Variants in PRKCE observed in about 807,000 individuals in gnomAD.
PRKCE encodes protein kinase C epsilon type.
PRKCE carries 16 observed loss-of-function variants against 85.4 expected under a neutral mutation model. The observed-to-expected ratio is 0.19, with a 90% CI of 0.13 to 0.28. PRKCE has a LOEUF of 0.28. Ranked by LOEUF, PRKCE falls within the 10% of genes least tolerant of loss-of-function variation. The pLI is 1.00. For missense variants in PRKCE, 573 were observed against 975.2 expected (o/e 0.59, Z 5.49); for synonymous variants, 388 against 371.5 (o/e 1.04, Z -0.51).
chr2:45,812,555 C>T (rs1688728223), intron 1 of PRKCE, among the ~76,000 whole-genome samples: 1 of 152,186 alleles, frequency 6.6e-6, no homozygotes, highest in Admixed American at 6.5e-5. Flanking sequence ...GTGACCTCCT[C>T]TGTGCAGTGG....
chr2:45,691,466 G>T (rs1677720719), intron 1 of PRKCE, among the ~76,000 whole-genome samples: 1 of 152,104 alleles, frequency 6.6e-6, no homozygotes, highest in Non-Finnish European at 1.5e-5. Context: ...TCAATATATT[G>T]GTTTTTAGCA....
intron 2 of PRKCE, among the ~76,000 whole-genome samples, chr2:45,930,682 G>C (rs1019636092): frequency 1.3e-5 from 2 of 152,234 alleles, no homozygotes; most frequent in East Asian, 1.9e-4. Flanking sequence ...ATTGCACCTA[G>C]AATCCACTTA....
intron 11 of PRKCE, among the ~76,000 whole-genome samples, chr2:46,094,067 G>C (rs1272639568): frequency 6.6e-6 from 1 of 151,924 alleles, no homozygotes; most frequent in Non-Finnish European, 1.5e-5. Context: ...TCTCCTTTTA[G>C]CATGTTTAGG....
rs1677541378 is a variant in PRKCE at position 46,159,445 on chromosome 2, A to C, written c.1921-161A>C. Among the ~76,000 whole-genome samples, 1 of 152,242 alleles carries C rather than the reference A, an allele frequency of 6.6e-6. No individual in the cohort carries two copies. The highest frequency in any genetic ancestry group is 2.4e-5 in the African/African-American group (1 of 41,462). On this transcript the variant is annotated intron_variant, in intron 13 of 14. Transcript: ENST00000306156. This position sits in a 1 kb window ranked among gnomAD's most constrained non-coding sequence, Gnocchi z 4.1. The stretch of plus-strand genomic sequence containing the variant: ...TCTGGGACATAGTCAATTCTATGTA[A>C]GAGTTAAAGAAAACCCAACAGATGT...
intron 10 of PRKCE, among the ~76,000 whole-genome samples, chr2:46,084,458 T>G (rs368986256): frequency 1.4e-4 from 21 of 152,284 alleles, no homozygotes; most frequent in East Asian, 1.2e-3. Flanking sequence ...GCACGGTGGC[T>G]CATGCCTATA....
At chr2:46,136,857 G>C (rs964885006) in intron 11 of PRKCE, among the ~76,000 whole-genome samples, 10 of 152,184 alleles carry the variant, frequency 6.6e-5, no homozygotes, top group African/African-American at 2.4e-4. Flanking sequence ...GTCTCAGTCA[G>C]TCTCATCTCT....
intron 1 of PRKCE, among the ~76,000 whole-genome samples, chr2:45,807,202 C>T (rs986065187): frequency 6.6e-6 from 1 of 152,224 alleles, no homozygotes; most frequent in African/African-American, 2.4e-5. Flanking sequence ...TAATCGCTAT[C>T]TTGCAATGTT....
intron 11 of PRKCE, among the ~76,000 whole-genome samples, chr2:46,123,869 A>G (rs1040347007): frequency 6.6e-6 from 1 of 152,204 alleles, no homozygotes; most frequent in Non-Finnish European, 1.5e-5. Flanking sequence ...CAAAGAAATA[A>G]AGTTGCCTAC....
chr2:46,059,611 G>A (rs114564096), intron 10 of PRKCE, among the ~76,000 whole-genome samples: 28 of 152,242 alleles, frequency 1.8e-4, no homozygotes, highest in African/African-American at 5.5e-4. Context: ...TTTGAGAGGC[G>A]GTTTATTATT....
intron 2 of PRKCE, among the ~76,000 whole-genome samples, chr2:45,964,702 G>A (rs1036785248): frequency 7.2e-5 from 11 of 152,282 alleles, no homozygotes; most frequent in South Asian, 2.1e-4. Context: ...ACTGCTCCTC[G>A]GTGCTTCTTT....
intron 10 of PRKCE, among the ~76,000 whole-genome samples, chr2:46,044,272 T>A (rs760734431): frequency 4.6e-5 from 7 of 152,208 alleles, no homozygotes; most frequent in African/African-American, 9.6e-5. Flanking sequence ...TCTTATTTAG[T>A]AAGGAAGATC....
At position 46,123,979 on chromosome 2, in the gene PRKCE, T is replaced by C. The variant is rs75527828; in HGVS notation, c.1593-21114T>C. Among the ~76,000 whole-genome samples the C allele has an allele frequency of 1.9e-3, 285 of 152,358 alleles. 3 individuals are homozygous for C. Among genetic ancestry groups the C allele is most frequent in the African/African-American group, 6.7e-3 (278 of 41,580 alleles). On this transcript the variant is annotated intron_variant, in intron 11 of 14. Coordinates refer to ENST00000306156, the MANE Select transcript of PRKCE (RefSeq NM_005400.3). Reference sequence around the variant, plus strand: ...CCAGCAGTTGGCATGTGTCAAACAATTTCACCAAGCCATCCTGGGTTGAAA... The same window carrying C: ...CCAGCAGTTGGCATGTGTCAAACAACTTCACCAAGCCATCCTGGGTTGAAA...
intron 1 of PRKCE, among the ~76,000 whole-genome samples, chr2:45,747,149 G>C (rs939211259): frequency 6.6e-6 from 1 of 152,098 alleles, no homozygotes; most frequent in Admixed American, 6.5e-5. Context: ...CATCTCCACA[G>C]TATGTAATAT....
At chr2:45,937,742 G>A (rs1205119668) in intron 2 of PRKCE, among the ~76,000 whole-genome samples, 1 of 152,016 alleles carries the variant, frequency 6.6e-6, no homozygotes, top group Non-Finnish European at 1.5e-5. Context: ...AAGAAAACTT[G>A]TAGGTATATA....
intron 1 of PRKCE, among the ~76,000 whole-genome samples, chr2:45,817,924 C>T (rs1416271108): frequency 6.6e-6 from 1 of 152,192 alleles, no homozygotes; most frequent in Non-Finnish European, 1.5e-5. Flanking sequence ...AAGCTACAGG[C>T]CGAGTTTCCT....
chr2:45,853,633 G>T lies in PRKCE; in HGVS notation c.412+10570G>T, dbSNP rs1306217630. ...ATTAGGTGCTGCGTACACAGTAGGG[G>T]CATAATTTTTACTTGCTGGATAAAT... On this transcript the variant is annotated intron_variant, in intron 2 of 14. Transcript: ENST00000306156. Among the ~76,000 whole-genome samples the T allele has an allele frequency of 5.3e-5, 8 of 152,268 alleles. 1 individual carries two copies. The East Asian group carries it at 9.6e-4, about 18-fold the overall frequency.
chr2:45,973,830 T>G (rs1702262017), intron 2 of PRKCE, among the ~76,000 whole-genome samples: 1 of 152,248 alleles, frequency 6.6e-6, no homozygotes. Flanking sequence ...GTCATAACAG[T>G]GTTCCTTTGA....
intron 2 of PRKCE, among the ~76,000 whole-genome samples, chr2:45,972,878 A>G (rs1702199591): frequency 6.6e-6 from 1 of 152,208 alleles, no homozygotes; most frequent in Non-Finnish European, 1.5e-5. Context: ...TCTCAAAGGC[A>G]TTTTTCAATA....
At chr2:45,722,957 C>T (rs922603925) in intron 1 of PRKCE, among the ~76,000 whole-genome samples, 8 of 151,966 alleles carry the variant, frequency 5.3e-5, no homozygotes, top group Non-Finnish European at 7.4e-5. Context: ...AAAAATTAGC[C>T]GGGTGTGGTG....
Sources: allele counts gnomAD v4.1 joint callset (sites outside exome capture counted in the v4.1 genomes callset), GRCh38; gene constraint gnomAD v4.1.1; non-coding constraint Gnocchi (gnomAD v3.1); transcripts MANE v1.5; gene names NCBI Gene and HGNC (gene_info 2026-07-23, HGNC 2026-07-21).